The following LAMA2 variants were observed in gnomAD, a reference collection of about 807,000 sequenced individuals.
The protein encoded by LAMA2 is laminin subunit alpha-2.
A neutral mutation model predicts 364.8 loss-of-function variants in LAMA2; 269 were observed. The ratio of observed to expected loss-of-function variants is 0.74; its 90% CI spans 0.67 to 0.82. LAMA2 has a LOEUF of 0.82. LAMA2 is among the 40% of genes least tolerant of loss of function. The pLI is 0.00. For missense variants in LAMA2, 3,807 were observed against 3,873.2 expected, an observed-to-expected ratio of 0.98 and a Z score of 0.45; for synonymous variants, 1,379 against 1,370.6, an observed-to-expected ratio of 1.01 and a Z score of -0.14.
intron 29 of LAMA2, among the ~76,000 whole-genome samples, chr6:129,332,550 T>A (rs1481981571): frequency 6.6e-6 from 1 of 152,198 alleles, no homozygotes; most frequent in Admixed American, 6.5e-5. Context: ...GAATTTTGAT[T>A]GTAATTAAAT....
intron 12 of LAMA2, among the ~76,000 whole-genome samples, chr6:129,212,012 A>G (rs540221202): frequency 6.6e-6 from 1 of 152,322 alleles, no homozygotes; most frequent in East Asian, 1.9e-4. Flanking sequence ...AATACAGGTA[A>G]AATTATCCTA....
chr6:129,057,296 T>G (rs1158127176), intron 2 of LAMA2, among the ~76,000 whole-genome samples: 1 of 152,194 alleles, frequency 6.6e-6, no homozygotes, highest in African/African-American at 2.4e-5. Flanking sequence ...ACATCCAAGA[T>G]GTTCTCACTG....
intron 29 of LAMA2, among the ~76,000 whole-genome samples, chr6:129,333,957 G>C (rs1051039634): frequency 1.3e-5 from 2 of 152,064 alleles, no homozygotes; most frequent in African/African-American, 4.8e-5. Context: ...CCTAGATGAA[G>C]TAAAAAATAA....
intron 1 of LAMA2, among the ~76,000 whole-genome samples, chr6:129,037,777 C>T (rs1786758713): frequency 2.0e-5 from 3 of 151,228 alleles, no homozygotes; most frequent in Admixed American, 2.0e-4. Flanking sequence ...TCACGCCATT[C>T]TCCCGCCTCA....
At chr6:129,318,086 G>C (rs907162547) in intron 27 of LAMA2, among the ~76,000 whole-genome samples, 2 of 152,086 alleles carry the variant, frequency 1.3e-5, no homozygotes, top group African/African-American at 4.8e-5. Flanking sequence ...ATCAGCATTT[G>C]ATTTTGTAAG....
At chr6:129,480,549 A>G (rs910006992) in intron 54 of LAMA2, among the ~76,000 whole-genome samples, 1 of 152,162 alleles carries the variant, frequency 6.6e-6, no homozygotes, top group Non-Finnish European at 1.5e-5. Context: ...AAGGTTGTGA[A>G]AGAGTGAATG....
intron 10 of LAMA2, among the ~76,000 whole-genome samples, chr6:129,181,672 G>T (rs1025288770): frequency 6.6e-6 from 1 of 151,792 alleles, no homozygotes; most frequent in Non-Finnish European, 1.5e-5. Context: ...TTGACATAGG[G>T]AAGTAAATAA....
At chr6:129,223,367 T>C (rs558566651) in intron 12 of LAMA2, among the ~76,000 whole-genome samples, 3 of 152,342 alleles carry the variant, frequency 2.0e-5, no homozygotes, top group South Asian at 4.1e-4. Context: ...TTTGTCAACT[T>C]TGGCTTTTGT....
intron 4 of LAMA2, among the ~76,000 whole-genome samples, chr6:129,128,665 A>G (rs1001668879): frequency 6.6e-6 from 1 of 152,190 alleles, no homozygotes; most frequent in African/African-American, 2.4e-5. Flanking sequence ...GCCTTCTTCA[A>G]TTTCTTTCAT....
chr6:129,113,405 C>A (rs979190196), intron 4 of LAMA2, among the ~76,000 whole-genome samples: 5 of 152,024 alleles, frequency 3.3e-5, no homozygotes, highest in Admixed American at 2.0e-4. Context: ...AAAGCACACA[C>A]ATTTTTCTTG....
chr6:129,086,402 T>C (rs1774390217), intron 3 of LAMA2, among the ~76,000 whole-genome samples: 1 of 152,244 alleles, frequency 6.6e-6, no homozygotes. Flanking sequence ...TATCTACTGC[T>C]AGCAACTTAT....
Position 129,059,708 on chromosome 6 carries a change from T to C in LAMA2, c.284-76T>C. ...GATGGTTGTTTTAACCATTTTTTTT[T>C]ACTTTAAAGAAAAAGCTATAAACTA... On this transcript the variant is annotated intron_variant, in intron 2 of 64. Transcript: ENST00000421865. 5 of 891,632 alleles carry C rather than the reference T, an allele frequency of 5.6e-6. No homozygotes were observed. The South Asian group carries it at 6.9e-5, about 12-fold the overall frequency. 55.2% of individuals were successfully genotyped at this position (891,632 alleles called of 1,614,324 possible).
chr6:129,102,535 A>G (rs1006687415), intron 4 of LAMA2, among the ~76,000 whole-genome samples: 1 of 152,052 alleles, frequency 6.6e-6, no homozygotes, highest in Non-Finnish European at 1.5e-5. Flanking sequence ...AAAATTTTCA[A>G]TATTCTATTT....
chr6:129,308,637 C>T (rs1285358519), intron 22 of LAMA2, among the ~76,000 whole-genome samples: 1 of 148,714 alleles, frequency 6.7e-6, no homozygotes, highest in Admixed American at 6.7e-5. Flanking sequence ...TGAAGAATTA[C>T]AAAAAAAAAC....
At chr6:129,197,864 T>C (rs1236765467) in intron 12 of LAMA2, among the ~76,000 whole-genome samples, 2 of 152,210 alleles carry the variant, frequency 1.3e-5, no homozygotes, top group Non-Finnish European at 2.9e-5. Flanking sequence ...AACCTCTGTC[T>C]TACATATCCG....
chr6:129,166,406 GT>G (rs1339497654), intron 9 of LAMA2, among the ~76,000 whole-genome samples: 2 of 152,032 alleles, frequency 1.3e-5, no homozygotes, highest in Non-Finnish European at 2.9e-5. Flanking sequence ...ACAATGTAGT[GT>G]TTTTTTCCCT....
intron 9 of LAMA2, among the ~76,000 whole-genome samples, chr6:129,170,925 G>A (rs1780104092): frequency 6.6e-6 from 1 of 150,904 alleles, no homozygotes; most frequent in African/African-American, 2.4e-5. Context: ...TTACCATTAT[G>A]TAATGGCCTT....
intron 40 of LAMA2, among the ~76,000 whole-genome samples, chr6:129,424,594 T>C (rs1332082023): frequency 6.6e-6 from 1 of 151,800 alleles, no homozygotes; most frequent in African/African-American, 2.4e-5. Context: ...CCAAAGAAGG[T>C]GGAAAATAAG....
At chr6:128,913,271 A>G (rs978547985) in intron 1 of LAMA2, among the ~76,000 whole-genome samples, 5 of 152,126 alleles carry the variant, frequency 3.3e-5, no homozygotes, top group Admixed American at 1.3e-4. Flanking sequence ...TTCAACTTCC[A>G]TATTTTTAGT....
Sources: allele counts gnomAD v4.1 joint callset (sites outside exome capture counted in the v4.1 genomes callset), GRCh38; gene constraint gnomAD v4.1.1; transcripts MANE v1.5; gene names NCBI Gene and HGNC (gene_info 2026-07-23, HGNC 2026-07-21).